The following SCYL2 variants were observed in gnomAD, a reference collection of about 807,000 sequenced individuals.
SCYL2 encodes SCY1-like protein 2.
Under a neutral mutation model 100.4 loss-of-function variants are expected in SCYL2, and 36 were observed. The ratio of observed to expected loss-of-function variants is 0.36; its 90% CI spans 0.27 to 0.47. The LOEUF is 0.47. SCYL2 is among the 20% of genes least tolerant of loss of function. The pLI is 1.00. For synonymous variants in SCYL2, 330 were observed against 359.2 expected, an observed-to-expected ratio of 0.92 and a Z score of 0.92; for missense variants, 902 against 1,083.9, an observed-to-expected ratio of 0.83 and a Z score of 2.36.
chr12:100,327,143 C>A (rs1441226510), intron 12 of SCYL2: 1 of 349,856 alleles, frequency 2.9e-6, no homozygotes, highest in Non-Finnish European at 5.7e-6. Flanking sequence ...TTATTCTTCC[C>A]CAAATTCAAT....
At chr12:100,311,265 T>C in intron 5 of SCYL2, 72 bp downstream of exon 5, 1 of 1,466,556 alleles carries the variant, frequency 6.8e-7, no homozygotes, top group Admixed American at 2.2e-5. Context: ...GGACTAGAAA[T>C]AGGCTATGTG....
At chr12:100,301,019 G>A (rs890349983) in intron 4 of SCYL2, among the ~76,000 whole-genome samples, 5 of 152,180 alleles carry the variant, frequency 3.3e-5, no homozygotes, top group Admixed American at 3.3e-4. Flanking sequence ...ATACCTAGGA[G>A]TGGGATTGCT....
At chr12:100,274,834 A>G (rs1050384612) in intron 1 of SCYL2, among the ~76,000 whole-genome samples, 5 of 152,116 alleles carry the variant, frequency 3.3e-5, no homozygotes, top group Non-Finnish European at 2.9e-5. Flanking sequence ...GGGCTTTAAA[A>G]CCTTGGTTTG....
chr12:100,339,323 G>GGACATGGAC lies in SCYL2; in HGVS notation c.*151_*152insGACATGGAC. On this transcript the variant is annotated 3_prime_UTR_variant, in exon 18 of 18. Transcript: ENST00000360820. ...CATCTCTGTCCATGCCAGCATAGTA[G>GGACATGGAC]TTGTATGGACTTCTAACCAGTTGAG... The GGACATGGAC allele has an allele frequency of 3.9e-6, 3 of 768,904 alleles. No individual in the cohort carries two copies. In the East Asian group the frequency reaches 8.0e-5, roughly 21 times the overall value. 47.6% of individuals were successfully genotyped at this position (768,904 alleles called of 1,614,324 possible). A position where few individuals can be genotyped will look rare whatever the true frequency, so the allele number is the denominator to read the frequency against.
At chr12:100,335,447 C>T in intron 14 of SCYL2, 178 bp from the exon 15 acceptor site, 1 of 531,612 alleles carries the variant, frequency 1.9e-6, no homozygotes, top group Non-Finnish European at 3.3e-6. Flanking sequence ...GACTTACATA[C>T]AAATGTTATT....
intron 1 of SCYL2, among the ~76,000 whole-genome samples, chr12:100,272,026 T>C (rs1410438856): frequency 6.6e-6 from 1 of 152,184 alleles, no homozygotes; most frequent in Non-Finnish European, 1.5e-5. Context: ...ACGTAAAATC[T>C]AGTATTACAA....
intron 17 of SCYL2, 114 bp downstream of exon 17, chr12:100,337,620 A>C: frequency 9.8e-7 from 1 of 1,024,526 alleles, no homozygotes; most frequent in South Asian, 1.4e-5. Flanking sequence ...TAATACCTTA[A>C]TATGTGGTTT....
chr12:100,267,201 TTCG>T lies in SCYL2; in HGVS notation c.-617_-615del. Reference sequence around the variant, plus strand: ...TAGTCTTTTTCCCCCTCCCTTACTCTTCGTCCCCGGTCCCTCCCCTCCCCACCC... The same window carrying T: ...TAGTCTTTTTCCCCCTCCCTTACTCTTCCCCGGTCCCTCCCCTCCCCACCC... On this transcript the variant is annotated 5_prime_UTR_variant, in exon 1 of 18. Coordinates refer to ENST00000360820, the MANE Select transcript of SCYL2 (RefSeq NM_017988.6). The T allele has an allele frequency of 1.9e-6, 2 of 1,044,374 alleles. No homozygotes were observed. The highest frequency in any genetic ancestry group is 3.2e-5 in the South Asian group (2 of 62,036). The allele number at this position is 1,044,374 out of a possible 1,614,324, so 64.7% of individuals were successfully genotyped here.
intron 1 of SCYL2, among the ~76,000 whole-genome samples, chr12:100,274,188 A>G (rs769067515): frequency 6.6e-6 from 1 of 152,240 alleles, no homozygotes; most frequent in Non-Finnish European, 1.5e-5. Flanking sequence ...AATTTCGTTA[A>G]TAGAGAAAAC....
intron 12 of SCYL2, among the ~76,000 whole-genome samples, chr12:100,327,732 T>G (rs1952150239): frequency 6.6e-6 from 1 of 152,048 alleles, no homozygotes; most frequent in Non-Finnish European, 1.5e-5. Context: ...GCCAGGCTGG[T>G]CTTGAACTCC....
intron 10 of SCYL2, among the ~76,000 whole-genome samples, chr12:100,320,365 C>T (rs913369530): frequency 2.6e-5 from 4 of 151,684 alleles, no homozygotes; most frequent in Non-Finnish European, 4.4e-5. Flanking sequence ...GCCAACATGG[C>T]GAAACCCCGT....
chr12:100,333,599 C>A (rs1952238208), intron 13 of SCYL2: 1 of 152,140 alleles, frequency 6.6e-6, no homozygotes, highest in Non-Finnish European at 1.5e-5. Flanking sequence ...AGCAGTTGAC[C>A]AAAATTAACC....
intron 6 of SCYL2, among the ~76,000 whole-genome samples, chr12:100,312,973 A>G (rs530112987): frequency 6.6e-5 from 10 of 152,090 alleles, no homozygotes; most frequent in African/African-American, 2.4e-4. Context: ...AAAATACAAA[A>G]AGTTAGCTGG....
intron 4 of SCYL2, among the ~76,000 whole-genome samples, chr12:100,299,842 T>G (rs2096325494): frequency 6.6e-6 from 1 of 152,226 alleles, no homozygotes. Context: ...AGTTTTTGTA[T>G]GAACATACAC....
rs770623409 is a variant in SCYL2, at chr12:100,291,579, C to T, written c.254C>T (p.Ser85Phe). ...TTTGAAAAGGATCAAATCATTGATT[C>T]TCTAAAACGAGGAGTCCAACAGTTA... ...QKFEKDQIID[S>F]LKRGVQQLTR... Residue 85 changes from serine to phenylalanine, a missense_variant, in exon 3 of 18, where the codon TCT becomes TTT. Physicochemically the swap from Ser to Phe is radical, Grantham distance 155. Transcript: ENST00000360820. The T allele has an allele frequency of 1.9e-6, 3 of 1,598,760 alleles. No individual in the cohort carries two copies. In the South Asian group the frequency reaches 3.5e-5, roughly 19 times the overall value.
chr12:100,316,264 GTATATAA>G (rs2096348602), intron 9 of SCYL2, among the ~76,000 whole-genome samples: 1 of 152,174 alleles, frequency 6.6e-6, no homozygotes, highest in African/African-American at 2.4e-5. Flanking sequence ...AGTCTCTCAT[GTATATAA>G]TATATATTTG....
Position 100,312,916 on chromosome 12 carries a change from C to T in SCYL2, c.852+263C>T, listed in dbSNP as rs544394579. ...GGTGGATCACTTGAGTCCAGGAGTT[C>T]GAGACCAGCCTGGGTAACATGGCCA... is the stretch of plus-strand genomic sequence containing the variant. On this transcript the variant is annotated intron_variant, in intron 6 of 17. Coordinates refer to ENST00000360820, the MANE Select transcript of SCYL2 (RefSeq NM_017988.6). Among the ~76,000 whole-genome samples the T allele has an allele frequency of 9.9e-5, 15 of 151,874 alleles. No individual in the cohort carries two copies. The East Asian group carries it at 1.9e-3, about 20-fold the overall frequency.
chr12:100,291,726 T>C lies in SCYL2; in HGVS notation c.335+66T>C, dbSNP rs548271152. The stretch of plus-strand genomic sequence containing the variant: ...AAATAGTTAAAAATAATTTTATATT[T>C]GAAATCTGTTTCAAGTATTGTCAGT... On this transcript the variant is annotated intron_variant, in intron 3 of 17. Coordinates refer to ENST00000360820, the MANE Select transcript of SCYL2 (RefSeq NM_017988.6). 2.1e-6 allele frequency: 3 copies of C among 1,436,708 alleles called. No individual in the cohort carries two copies. In the East Asian group the frequency reaches 7.5e-5, roughly 36 times the overall value. 89.0% of individuals were successfully genotyped at this position (1,436,708 alleles called of 1,614,324 possible). A position where few individuals can be genotyped will look rare whatever the true frequency, so the allele number is the denominator to read the frequency against.
intron 1 of SCYL2, 92 bp from the exon 2 acceptor site, chr12:100,282,851 T>G (rs1429216275): frequency 3.5e-6 from 2 of 564,716 alleles, no homozygotes; most frequent in Non-Finnish European, 5.9e-6. Context: ...GTTCACTGTT[T>G]GGGAGATCTT....
Sources: allele counts gnomAD v4.1 joint callset (sites outside exome capture counted in the v4.1 genomes callset), GRCh38; gene constraint gnomAD v4.1.1; transcripts MANE v1.5; gene names NCBI Gene and HGNC (gene_info 2026-07-23, HGNC 2026-07-21).